RBFOX1: variants seen among roughly 807,000 people sequenced by gnomAD.
RBFOX1 encodes the protein RNA binding fox-1 homolog 1.
Under a neutral mutation model 57.7 loss-of-function variants are expected in RBFOX1, and 8 were observed. The ratio of observed to expected loss-of-function variants is 0.14; its 90% CI spans 0.08 to 0.25. The LOEUF is 0.25. RBFOX1 is among the 10% of genes least tolerant of loss of function. The pLI, the probability that RBFOX1 is intolerant of heterozygous loss-of-function variation, is 1.00. For synonymous variants in RBFOX1, 326 were observed against 222.4 expected, an observed-to-expected ratio of 1.47 and a Z score of -4.15; for missense variants, 611 against 548.5, an observed-to-expected ratio of 1.11 and a Z score of -1.14.
At chr16:6,573,052 C>T (rs1268456773) in intron 2 of RBFOX1, among the ~76,000 whole-genome samples, 1 of 152,122 alleles carries the variant, frequency 6.6e-6, no homozygotes, top group Admixed American at 6.5e-5. Flanking sequence ...CCTACAGACT[C>T]AGATAGGATA....
Position 5,718,532 on chromosome 16 carries a change from G to T in RBFOX1, c.318+119571G>T, listed in dbSNP as rs576594482. 2.6e-5 allele frequency among the ~76,000 whole-genome samples: 4 copies of T among 152,346 alleles called. No individual in the cohort carries two copies. In the South Asian group the frequency reaches 8.3e-4, roughly 32 times the overall value. ...TGTGAAATACAAGGCTTGGAAGAGA[G>T]AAAATCAAGTACAGTTATTAAATGC... On this transcript the variant is annotated intron_variant, in intron 3 of 19. Coordinates refer to the RBFOX1 transcript ENST00000641259.
Position 6,019,431 on chromosome 16 carries a change from G to A in RBFOX1, c.-688G>A. On this transcript the variant is annotated 5_prime_UTR_variant, in exon 1 of 16. Transcript: ENST00000550418. The surrounding 1 kb of genome is among the most constrained non-coding windows in gnomAD (Gnocchi z 4.2). ...GTGGCGGACGGCGGACGGAGCCCAGGGGCCGCGTCGGGTGGGGAAACCCGA... is the reference window on the plus strand; with the variant it reads ...GTGGCGGACGGCGGACGGAGCCCAGAGGCCGCGTCGGGTGGGGAAACCCGA... 1.0e-6 allele frequency: 1 copy of A among 988,482 alleles called. No individual in the cohort carries two copies. Among genetic ancestry groups the A allele is most frequent in the Non-Finnish European group, 1.2e-6 (1 of 832,282 alleles). The allele number at this position is 988,482 out of a possible 1,614,324, so 61.2% of individuals were successfully genotyped here.
chr16:5,701,817 A>G (rs1000031895), intron 3 of RBFOX1, among the ~76,000 whole-genome samples: 10 of 152,220 alleles, frequency 6.6e-5, no homozygotes, highest in Non-Finnish European at 1.5e-5. Flanking sequence ...CTGGACGTTC[A>G]TCAGGCCAGT....
intron 4 of RBFOX1, among the ~76,000 whole-genome samples, chr16:7,206,449 TATTA>T (rs2089988492): frequency 6.8e-6 from 1 of 147,572 alleles, no homozygotes; most frequent in Admixed American, 6.8e-5. Context: ...TATATTTCCT[TATTA>T]ATATATATAA....
chr16:7,700,596 A>C (rs138080202), intron 14 of RBFOX1, among the ~76,000 whole-genome samples: 2 of 152,338 alleles, frequency 1.3e-5, no homozygotes, highest in African/African-American at 4.8e-5. Flanking sequence ...TGATTTTGGT[A>C]GAGCAGGAGT....
At chr16:7,258,903 C>A (rs75628980) in intron 4 of RBFOX1, among the ~76,000 whole-genome samples, 2,448 of 152,238 alleles carry the variant, frequency 0.016, 57 homozygotes, top group African/African-American at 0.055. Flanking sequence ...TTGCAGTGGT[C>A]CTCTGGTTTC....
At chr16:5,562,453 G>A (rs901814627) in intron 2 of RBFOX1, among the ~76,000 whole-genome samples, 5 of 152,122 alleles carry the variant, frequency 3.3e-5, no homozygotes, top group Non-Finnish European at 5.9e-5. Flanking sequence ...GGGCTGCAGT[G>A]AGATACCCAG....
intron 4 of RBFOX1, among the ~76,000 whole-genome samples, chr16:7,513,622 T>A (rs568959411): frequency 6.6e-6 from 1 of 152,158 alleles, no homozygotes; most frequent in Non-Finnish European, 1.5e-5. Context: ...CCTCCCTCAT[T>A]TGTGACAAAA....
At chr16:6,566,701 A>G (rs1314483170) in intron 2 of RBFOX1, among the ~76,000 whole-genome samples, 4 of 152,178 alleles carry the variant, frequency 2.6e-5, no homozygotes, top group Admixed American at 1.3e-4. Flanking sequence ...TATTCCATCC[A>G]CTTTTCATCT....
intron 3 of RBFOX1, among the ~76,000 whole-genome samples, chr16:6,921,545 C>T (rs1169718790): frequency 6.6e-6 from 1 of 151,778 alleles, no homozygotes; most frequent in African/African-American, 2.4e-5. Flanking sequence ...ATGGCCTTTG[C>T]CATAGGTCCT....
chr16:5,528,651 C>G (rs962359433), intron 2 of RBFOX1, among the ~76,000 whole-genome samples: 2 of 150,720 alleles, frequency 1.3e-5, no homozygotes. Flanking sequence ...CCGCTTCCCC[C>G]CTCCCCTCCC....
chr16:6,843,847 C>G (rs1251950468), intron 3 of RBFOX1, among the ~76,000 whole-genome samples: 6 of 152,150 alleles, frequency 3.9e-5, no homozygotes, highest in Admixed American at 2.0e-4. Flanking sequence ...TTCTCCTGAA[C>G]TGACTGTTCC....
intron 14 of RBFOX1, among the ~76,000 whole-genome samples, chr16:7,689,889 T>C (rs983022370): frequency 3.3e-5 from 5 of 152,086 alleles, no homozygotes; most frequent in African/African-American, 9.7e-5. Flanking sequence ...ATCTAGAAAC[T>C]AGAAGTACCC....
At chr16:5,253,859 T>G (rs963193632) in intron 1 of RBFOX1, among the ~76,000 whole-genome samples, 18 of 152,224 alleles carry the variant, frequency 1.2e-4, no homozygotes, top group Non-Finnish European at 2.2e-4. Flanking sequence ...TCTCCCTGCC[T>G]CTTCACCTGG....
intron 14 of RBFOX1, among the ~76,000 whole-genome samples, chr16:7,683,204 C>T (rs184961906): frequency 6.7e-6 from 1 of 148,402 alleles, no homozygotes; most frequent in African/African-American, 2.5e-5. Flanking sequence ...ATAGTAGAGT[C>T]ACCGTAATTT....
At chr16:5,776,821 C>G (rs892268211) in intron 3 of RBFOX1, among the ~76,000 whole-genome samples, 9 of 152,278 alleles carry the variant, frequency 5.9e-5, no homozygotes, top group East Asian at 3.9e-4. Context: ...ACAGCCCTGT[C>G]CAGGAGATTT....
intron 3 of RBFOX1, among the ~76,000 whole-genome samples, chr16:5,755,151 A>G (rs1433609078): frequency 8.5e-6 from 1 of 118,118 alleles, no homozygotes; most frequent in African/African-American, 3.4e-5. Flanking sequence ...TTAACAAAGC[A>G]CATCCTGCAC....
At chr16:6,679,256 C>A (rs374442863) in intron 3 of RBFOX1, among the ~76,000 whole-genome samples, 2 of 151,744 alleles carry the variant, frequency 1.3e-5, no homozygotes, top group Non-Finnish European at 2.9e-5. Context: ...TTTACTGACA[C>A]GTAAAAAAGT....
intron 3 of RBFOX1, among the ~76,000 whole-genome samples, chr16:6,692,848 C>A (rs1441053243): frequency 6.6e-6 from 1 of 152,094 alleles, no homozygotes; most frequent in Non-Finnish European, 1.5e-5. Flanking sequence ...CCACTACCAT[C>A]ACCACCATCA....
Sources: allele counts gnomAD v4.1 joint callset (sites outside exome capture counted in the v4.1 genomes callset), GRCh38; gene constraint gnomAD v4.1.1; non-coding constraint Gnocchi (gnomAD v3.1); transcripts MANE v1.5; gene names NCBI Gene and HGNC (gene_info 2026-07-23, HGNC 2026-07-21).